Variants in SRGAP3 observed in about 807,000 individuals in gnomAD.
SRGAP3 encodes the protein SLIT-ROBO Rho GTPase activating protein 3.
SRGAP3 carries 39 observed loss-of-function variants against 121.1 expected under a neutral mutation model. The ratio of observed to expected loss-of-function variants is 0.32; its 90% CI spans 0.25 to 0.42. The LOEUF (loss-of-function observed/expected upper bound fraction) is 0.42, where lower values mean the gene tolerates loss of function less well. SRGAP3 is among the 10% of genes least tolerant of loss of function. The pLI is 1.00. For missense variants in SRGAP3, 1,213 were observed against 1,470.6 expected (o/e 0.82, Z 2.86); for synonymous variants, 601 against 570.0 (o/e 1.05, Z -0.77).
chr3:9,346,812 A>G (rs1311116600), intron 1 of SRGAP3, among the ~76,000 whole-genome samples: 1 of 149,620 alleles, frequency 6.7e-6, no homozygotes, highest in Admixed American at 6.7e-5. Context: ...CTGAAGTGCA[A>G]TGGCGCGATC....
In SRGAP3 at chr3:9,017,725, T is replaced by G. The variant is rs188002988; in HGVS notation, c.1679-1994A>C. Among the ~76,000 whole-genome samples the G allele has an allele frequency of 2.4e-3, 358 of 152,330 alleles. 3 individuals are homozygous for G. The highest frequency in any genetic ancestry group is 8.2e-3 in the African/African-American group (339 of 41,584). On this transcript the variant is annotated intron_variant, in intron 14 of 21. Coordinates refer to ENST00000383836, the MANE Select transcript of SRGAP3 (RefSeq NM_014850.4). Reference sequence around the variant, plus strand: ...AGAAACCATTGAAATGCATTTTTTCTTTTACTGATATATAACATTTTAAAT... The same window carrying G: ...AGAAACCATTGAAATGCATTTTTTCGTTTACTGATATATAACATTTTAAAT...
intron 1 of SRGAP3, among the ~76,000 whole-genome samples, chr3:9,131,755 C>T (rs1333457160): frequency 6.6e-6 from 1 of 152,054 alleles, no homozygotes; most frequent in African/African-American, 2.4e-5. Flanking sequence ...AGAACTAATT[C>T]TTCAATCCAG....
At chr3:9,345,866 C>T (rs1016902122) in intron 1 of SRGAP3, among the ~76,000 whole-genome samples, 2 of 151,752 alleles carry the variant, frequency 1.3e-5, no homozygotes, top group South Asian at 2.1e-4. Flanking sequence ...ACAAGACTGT[C>T]ATAGTAATCT....
chr3:9,022,609 C>T (rs1274059517), intron 14 of SRGAP3, among the ~76,000 whole-genome samples: 1 of 152,136 alleles, frequency 6.6e-6, no homozygotes, highest in African/African-American at 2.4e-5. Flanking sequence ...AGGGCATATG[C>T]TTGGTGAATA....
intron 12 of SRGAP3, among the ~76,000 whole-genome samples, chr3:9,027,730 G>A (rs539892921): frequency 6.6e-6 from 1 of 152,316 alleles, no homozygotes; most frequent in Admixed American, 6.5e-5. Flanking sequence ...AATGATTATG[G>A]CGGAGGGGAA....
chr3:9,163,099 A>T (rs1054371816), intron 1 of SRGAP3, among the ~76,000 whole-genome samples: 5 of 152,230 alleles, frequency 3.3e-5, no homozygotes, highest in African/African-American at 1.2e-4. Flanking sequence ...AATTCCTGGG[A>T]CACAGTCAGT....
intron 3 of SRGAP3, among the ~76,000 whole-genome samples, chr3:9,093,557 C>T (rs1224609462): frequency 6.6e-6 from 1 of 151,670 alleles, no homozygotes; most frequent in Non-Finnish European, 1.5e-5. Context: ...ATCCACTCAT[C>T]CATCCATTCA....
intron 3 of SRGAP3, among the ~76,000 whole-genome samples, chr3:9,291,752 G>A (rs1041023718): frequency 5.9e-5 from 9 of 151,722 alleles, no homozygotes; most frequent in Admixed American, 3.9e-4. Flanking sequence ...TCTTTAAATC[G>A]AATCAGATTT....
intron 3 of SRGAP3, among the ~76,000 whole-genome samples, chr3:9,321,486 G>A (rs1955437750): frequency 6.6e-6 from 1 of 151,940 alleles, no homozygotes; most frequent in Admixed American, 6.5e-5. Flanking sequence ...GGAGAAGGAT[G>A]CATCAGGACT....
At chr3:9,108,542 C>T (rs573177375) in intron 2 of SRGAP3, among the ~76,000 whole-genome samples, 48 of 152,222 alleles carry the variant, frequency 3.2e-4, no homozygotes, top group Non-Finnish European at 5.4e-4. Flanking sequence ...CACTGGAGCC[C>T]GGGAGGTGGA....
At chr3:9,233,955 T>G (rs7624294) in intron 1 of SRGAP3, among the ~76,000 whole-genome samples, 5,730 of 152,266 alleles carry the variant, frequency 0.038, 346 homozygotes, top group African/African-American at 0.13. Flanking sequence ...CAATTCCCAG[T>G]AACATAATTC....
chr3:9,346,049 TA>T (rs1017433328), intron 1 of SRGAP3, among the ~76,000 whole-genome samples: 1 of 152,202 alleles, frequency 6.6e-6, no homozygotes, highest in African/African-American at 2.4e-5. Flanking sequence ...TAACTGTAAT[TA>T]AAATTTTATA....
intron 10 of SRGAP3, among the ~76,000 whole-genome samples, chr3:9,041,512 T>C (rs1464515893): frequency 1.3e-5 from 2 of 152,260 alleles, no homozygotes; most frequent in East Asian, 3.8e-4. Context: ...GTCCTACTGT[T>C]TAACTCTTTT....
At chr3:9,111,533 A>AT (rs2124935629) in intron 2 of SRGAP3, among the ~76,000 whole-genome samples, 1 of 152,262 alleles carries the variant, frequency 6.6e-6, no homozygotes, top group South Asian at 2.1e-4. Context: ...GTGAGGCTGG[A>AT]GGGGCCTGCA....
intron 2 of SRGAP3, among the ~76,000 whole-genome samples, chr3:9,115,750 C>G (rs1470819517): frequency 6.6e-6 from 1 of 152,140 alleles, no homozygotes; most frequent in East Asian, 1.9e-4. Context: ...AGGATTTTTG[C>G]CATTCCTGCA....
At chr3:9,187,392 G>C (rs538685500) in intron 1 of SRGAP3, among the ~76,000 whole-genome samples, 1 of 152,052 alleles carries the variant, frequency 6.6e-6, no homozygotes, top group Non-Finnish European at 1.5e-5. Context: ...AGGGCAAGTC[G>C]GGGAGAACTG....
intron 2 of SRGAP3, among the ~76,000 whole-genome samples, chr3:9,123,537 T>A (rs1294447625): frequency 6.6e-6 from 1 of 151,756 alleles, no homozygotes; most frequent in Non-Finnish European, 1.5e-5. Context: ...TGAAACCCCA[T>A]CTCTACTAAA....
chr3:9,320,914 G>T (rs1955428892), intron 3 of SRGAP3, among the ~76,000 whole-genome samples: 1 of 151,712 alleles, frequency 6.6e-6, no homozygotes, highest in African/African-American at 2.4e-5. Flanking sequence ...TATATATATA[G>T]TGTGTATATA....
chr3:9,305,449 G>A (rs1162868240), intron 3 of SRGAP3, among the ~76,000 whole-genome samples: 1 of 143,814 alleles, frequency 7.0e-6, no homozygotes, highest in Admixed American at 7.3e-5. Flanking sequence ...TAGGGTACAT[G>A]TGCACAATGT....
Sources: allele counts gnomAD v4.1 joint callset (sites outside exome capture counted in the v4.1 genomes callset), GRCh38; gene constraint gnomAD v4.1.1; transcripts MANE v1.5; gene names NCBI Gene and HGNC (gene_info 2026-07-23, HGNC 2026-07-21).